Variants in CAV3 observed in about 807,000 individuals in gnomAD.
CAV3 encodes caveolin 3, also known as caveolin-3.
In CAV3, 10 loss-of-function variants were observed where a neutral mutation model predicts 13.4. The ratio of observed to expected loss-of-function variants is 0.75; its 90% CI spans 0.46 to 1.27. The LOEUF is 1.27. Ranked by LOEUF, CAV3 falls within the 50% of genes most tolerant of loss-of-function variation. The pLI is 0.00. For synonymous variants in CAV3, 90 were observed against 79.0 expected, an observed-to-expected ratio of 1.14 and a Z score of -0.74; for missense variants, 162 against 194.0, an observed-to-expected ratio of 0.83 and a Z score of 0.98.
chr3:8,745,176 C>T lies in CAV3; in HGVS notation c.115-350C>T, dbSNP rs114537348. ...GTTGTAAAGTGTGGCACTCCACCCC[C>T]TGCCCAGCTCTCTCTCTTGCTCCCA... On this transcript the variant is annotated intron_variant, in intron 1 of 1. Coordinates refer to ENST00000343849, the MANE Select transcript of CAV3 (RefSeq NM_033337.3). The surrounding 1 kb of genome is among the most constrained non-coding windows in gnomAD (Gnocchi z 4.8). The T allele has an allele frequency of 7.1e-3, 2,074 of 292,720 alleles. 26 individuals carry two copies. Among genetic ancestry groups the T allele is most frequent in the African/African-American group, 0.04 (1,851 of 46,248 alleles). The allele number at this position is 292,720 out of a possible 1,614,324, so 18.1% of individuals were successfully genotyped here. A position where few individuals can be genotyped will look rare whatever the true frequency, so the allele number is the denominator to read the frequency against.
intron 1 of CAV3, among the ~76,000 whole-genome samples, chr3:8,741,973 T>C (rs1707975770): frequency 1.3e-5 from 2 of 152,090 alleles, no homozygotes; most frequent in African/African-American, 4.8e-5. Flanking sequence ...CTCCAGCCCC[T>C]CTCTCCAACT....
intron 1 of CAV3, among the ~76,000 whole-genome samples, chr3:8,742,181 G>C (rs550480368): frequency 6.6e-6 from 1 of 152,094 alleles, no homozygotes; most frequent in Non-Finnish European, 1.5e-5. Flanking sequence ...TGTGGCCAAA[G>C]CTCTCTCAAT....
At chr3:8,744,093 C>A (rs1271674458) in intron 1 of CAV3, among the ~76,000 whole-genome samples, 3 of 152,070 alleles carry the variant, frequency 2.0e-5, no homozygotes, top group Non-Finnish European at 4.4e-5. Flanking sequence ...GTACCTGCAT[C>A]CACCCCCTTT....
rs1380720686 is a variant in CAV3 at position 8,733,826 on chromosome 3, C to T, written c.-51C>T. The T allele has an allele frequency of 8.7e-7, 1 of 1,148,584 alleles. No homozygotes were observed. Among genetic ancestry groups the T allele is most frequent in the East Asian group, 2.4e-5 (1 of 42,400 alleles). 71.1% of individuals were successfully genotyped at this position (1,148,584 alleles called of 1,614,324 possible). A position where few individuals can be genotyped will look rare whatever the true frequency, so the allele number is the denominator to read the frequency against. On this transcript the variant is annotated 5_prime_UTR_variant, in exon 1 of 2. Transcript: ENST00000343849. ...TCTCTGCCCCAAGTATTTTCAGCCC[C>T]AGCCGGCCACACAGCTCGGATCTCC...
intron 1 of CAV3, chr3:8,742,477 A>G (rs1466995352): frequency 2.2e-6 from 1 of 456,568 alleles, no homozygotes; most frequent in East Asian, 7.0e-5. Flanking sequence ...GGAAAGGAGG[A>G]CTCCATCCGT....
rs201062505 is a variant in CAV3, at chr3:8,733,829, C to T, written c.-48C>T. 5.1e-6 allele frequency: 6 copies of T among 1,176,574 alleles called. No individual in the cohort carries two copies. The highest frequency in any genetic ancestry group is 7.6e-6 in the Non-Finnish European group (6 of 785,052). The allele number at this position is 1,176,574 out of a possible 1,614,324, so 72.9% of individuals were successfully genotyped here. A position where few individuals can be genotyped will look rare whatever the true frequency, so the allele number is the denominator to read the frequency against. The stretch of plus-strand genomic sequence containing the variant: ...CTGCCCCAAGTATTTTCAGCCCCAG[C>T]CGGCCACACAGCTCGGATCTCCTCC... On this transcript the variant is annotated 5_prime_UTR_variant, in exon 1 of 2. Transcript: ENST00000343849.
rs1471394953 is a variant in CAV3 at position 8,746,165 on chromosome 3, A to G, written c.*298A>G. ...TTGCGTTCACTTGTACTGTAACAAC[A>G]TAAACCAGCACGCGGTTCCCACCCG... On this transcript the variant is annotated 3_prime_UTR_variant, in exon 2 of 2. Transcript: ENST00000343849. 1 of 332,432 alleles carries G rather than the reference A, an allele frequency of 3.0e-6. No homozygotes were observed. The allele number at this position is 332,432 out of a possible 1,614,324, so 20.6% of individuals were successfully genotyped here. A position where few individuals can be genotyped will look rare whatever the true frequency, so the allele number is the denominator to read the frequency against.
rs893473051 is a variant in CAV3, at chr3:8,733,824, C to T, written c.-53C>T. ...TCTCTCTGCCCCAAGTATTTTCAGC[C>T]CCAGCCGGCCACACAGCTCGGATCT... On this transcript the variant is annotated 5_prime_UTR_variant, in exon 1 of 2. Coordinates refer to ENST00000343849, the MANE Select transcript of CAV3 (RefSeq NM_033337.3). The T allele has an allele frequency of 8.9e-6, 10 of 1,127,194 alleles. No individual in the cohort carries two copies. Among genetic ancestry groups the T allele is most frequent in the African/African-American group, 4.6e-5 (3 of 65,750 alleles). 69.8% of individuals were successfully genotyped at this position (1,127,194 alleles called of 1,614,324 possible).
intron 1 of CAV3, among the ~76,000 whole-genome samples, chr3:8,743,340 T>A (rs541728866): frequency 1.3e-5 from 2 of 152,184 alleles, no homozygotes; most frequent in Non-Finnish European, 2.9e-5. Flanking sequence ...TCCATAAACA[T>A]GGGGAGTGAA....
In CAV3 at chr3:8,745,692, G is replaced by C. The variant is rs1708138255; in HGVS notation, c.281G>C (p.Cys94Ser). ...LALLWGFLFA[C>S]ISFCHIWAVV... is the part of the protein sequence containing the mutation. ...CTGCTCTGGGGCTTCCTGTTCGCCT[G>C]CATCTCCTTCTGCCACATCTGGGCG... The change falls in exon 2 of 2, where the codon TGC (cysteine) becomes TCC (serine). Residue 94 changes from cysteine (C) to serine (S), a missense_variant. Coordinates refer to ENST00000343849, the MANE Select transcript of CAV3 (RefSeq NM_033337.3). This position sits in a 1 kb window ranked among gnomAD's most constrained non-coding sequence, Gnocchi z 4.8. 6.2e-7 allele frequency: 1 copy of C among 1,614,132 alleles called. No homozygotes were observed.
At chr3:8,737,593 G>A (rs1707801321) in intron 1 of CAV3, among the ~76,000 whole-genome samples, 1 of 152,150 alleles carries the variant, frequency 6.6e-6, no homozygotes, top group African/African-American at 2.4e-5. Flanking sequence ...CAGTGTAGAA[G>A]GTCATGGAGA....
At chr3:8,744,707 C>T (rs1258567905) in intron 1 of CAV3, 6 of 152,170 alleles carry the variant, frequency 3.9e-5, no homozygotes, top group South Asian at 2.1e-4. Context: ...GCCTGTTCAC[C>T]ATCCAATCCA....
chr3:8,740,751 T>A (rs237876), intron 1 of CAV3, among the ~76,000 whole-genome samples: 50,204 of 152,068 alleles, frequency 0.33, 8,383 homozygotes, highest in African/African-American at 0.42. Flanking sequence ...TCTCAACTCC[T>A]AGAGCACCCT....
Position 8,733,823 on chromosome 3 carries a change from C to T in CAV3, c.-54C>T. 9.1e-7 allele frequency: 1 copy of T among 1,103,622 alleles called. No homozygotes were observed. The highest frequency in any genetic ancestry group is 2.4e-5 in the East Asian group (1 of 42,048). The allele number at this position is 1,103,622 out of a possible 1,614,324, so 68.4% of individuals were successfully genotyped here. A position where few individuals can be genotyped will look rare whatever the true frequency, so the allele number is the denominator to read the frequency against. ...GTCTCTCTGCCCCAAGTATTTTCAG[C>T]CCCAGCCGGCCACACAGCTCGGATC... On this transcript the variant is annotated 5_prime_UTR_variant, in exon 1 of 2. Transcript: ENST00000343849.
At chr3:8,741,163 G>C (rs1351018334) in intron 1 of CAV3, among the ~76,000 whole-genome samples, 1 of 152,172 alleles carries the variant, frequency 6.6e-6, no homozygotes, top group Non-Finnish European at 1.5e-5. Context: ...CTCTAAAACT[G>C]AGTGAAGGAC....
intron 1 of CAV3, among the ~76,000 whole-genome samples, chr3:8,737,280 C>T (rs1018075264): frequency 1.3e-5 from 2 of 152,170 alleles, no homozygotes; most frequent in African/African-American, 2.4e-5. Context: ...TAGGACCTGG[C>T]TACAGACTCA....
intron 1 of CAV3, among the ~76,000 whole-genome samples, chr3:8,744,176 C>A (rs146457586): frequency 6.6e-6 from 1 of 152,118 alleles, no homozygotes; most frequent in Non-Finnish European, 1.5e-5. Context: ...GCAAACAGCT[C>A]TGCAACCTCC....
In CAV3 at chr3:8,745,061, C is replaced by G. The variant is rs141619280; in HGVS notation, c.115-465C>G. ...TAATCTCCAATATTGGAGGTGGGGC[C>G]GGGTGGGAGGTGATCGGATCACAGA... On this transcript the variant is annotated intron_variant, in intron 1 of 1. Coordinates refer to ENST00000343849, the MANE Select transcript of CAV3 (RefSeq NM_033337.3). This position sits in a 1 kb window ranked among gnomAD's most constrained non-coding sequence, Gnocchi z 4.8. The G allele has an allele frequency of 6.0e-6, 1 of 165,492 alleles. No homozygotes were observed. The highest frequency in any genetic ancestry group is 1.3e-5 in the Non-Finnish European group (1 of 75,272). The allele number at this position is 165,492 out of a possible 1,614,324, so 10.3% of individuals were successfully genotyped here.
At chr3:8,737,684 G>A (rs770561759) in intron 1 of CAV3, among the ~76,000 whole-genome samples, 3 of 152,106 alleles carry the variant, frequency 2.0e-5, no homozygotes, top group East Asian at 3.9e-4. Context: ...TCCACAAATC[G>A]CAACTGAATG....
Sources: allele counts gnomAD v4.1 joint callset (sites outside exome capture counted in the v4.1 genomes callset), GRCh38; gene constraint gnomAD v4.1.1; non-coding constraint Gnocchi (gnomAD v3.1); transcripts MANE v1.5; gene names NCBI Gene and HGNC (gene_info 2026-07-23, HGNC 2026-07-21).